The following ARHGAP24 variants were observed in gnomAD, a reference collection of about 807,000 sequenced individuals.
ARHGAP24 encodes rho GTPase-activating protein 24.
A neutral mutation model predicts 76.4 loss-of-function variants in ARHGAP24; 50 were observed. The observed-to-expected ratio is 0.65, with a 90% CI of 0.52 to 0.83. The LOEUF is 0.83. ARHGAP24 is among the 40% of genes least tolerant of loss of function. ARHGAP24 has a pLI of 0.00. For synonymous variants in ARHGAP24, 345 were observed against 323.3 expected, an observed-to-expected ratio of 1.07 and a Z score of -0.72; for missense variants, 930 against 914.2, an observed-to-expected ratio of 1.02 and a Z score of -0.22.
At position 85,543,703 on chromosome 4, in the gene ARHGAP24, C is replaced by T. The variant is rs140483040; in HGVS notation, c.-20-26819C>T. On this transcript the variant is annotated intron_variant, in intron 1 of 9. Transcript: ENST00000395184. ...TACTTGTTTATGTTATGTAAGACGA[C>T]ATCACTAGTCTTCATATTTGATTGA... Among the ~76,000 whole-genome samples, 315 of 152,230 alleles carry T rather than the reference C, an allele frequency of 2.1e-3. 2 individuals carry two copies. The highest frequency in any genetic ancestry group is 3.3e-3 in the Non-Finnish European group (225 of 68,008).
chr4:85,866,380 G>C (rs925412206), intron 3 of ARHGAP24, among the ~76,000 whole-genome samples: 3 of 152,028 alleles, frequency 2.0e-5, no homozygotes, highest in Non-Finnish European at 4.4e-5. Context: ...CCTTAAAGGG[G>C]CATTTCCTTG....
intron 2 of ARHGAP24, among the ~76,000 whole-genome samples, chr4:85,678,051 A>AG (rs1723049759): frequency 6.6e-6 from 1 of 151,836 alleles, no homozygotes; most frequent in African/African-American, 2.4e-5. Context: ...GAAAAAAAAA[A>AG]GAAAAAGGAA....
At chr4:85,651,186 A>G (rs907830925) in intron 2 of ARHGAP24, among the ~76,000 whole-genome samples, 5 of 149,264 alleles carry the variant, frequency 3.3e-5, no homozygotes, top group Non-Finnish European at 7.4e-5. Flanking sequence ...GCCTGAGATC[A>G]TGTAGGGGCT....
At chr4:85,571,436 G>T (rs1386532412) in intron 2 of ARHGAP24, among the ~76,000 whole-genome samples, 1 of 152,174 alleles carries the variant, frequency 6.6e-6, no homozygotes, top group African/African-American at 2.4e-5. Context: ...GCAAACTGAG[G>T]CATCACTTAT....
At chr4:85,668,293 C>G (rs1191038313) in intron 2 of ARHGAP24, among the ~76,000 whole-genome samples, 1 of 152,198 alleles carries the variant, frequency 6.6e-6, no homozygotes, top group African/African-American at 2.4e-5. Flanking sequence ...TAAAGCAAAA[C>G]AGAAAATGCT....
chr4:85,876,639 A>G lies in ARHGAP24; in HGVS notation c.269-47009A>G, dbSNP rs188578752. On this transcript the variant is annotated intron_variant, in intron 3 of 9. Coordinates refer to ENST00000395184, the MANE Select transcript of ARHGAP24 (RefSeq NM_001025616.3). ...ATTTTAAACATTAATAATATTAGATATCTTTCTTATCTTCTATAAAAATAA... is the reference window on the plus strand; with the variant it reads ...ATTTTAAACATTAATAATATTAGATGTCTTTCTTATCTTCTATAAAAATAA... 1.9e-3 allele frequency among the ~76,000 whole-genome samples: 287 copies of G among 152,328 alleles called. 3 individuals carry two copies. Among genetic ancestry groups the G allele is most frequent in the Non-Finnish European group, 7.5e-4 (51 of 68,040 alleles).
At chr4:85,822,146 G>A (rs2110124832) in intron 3 of ARHGAP24, among the ~76,000 whole-genome samples, 1 of 152,154 alleles carries the variant, frequency 6.6e-6, no homozygotes, top group South Asian at 2.1e-4. Flanking sequence ...AGGAAAATTT[G>A]TTTCAATTTA....
At chr4:85,836,552 G>C (rs760202870) in intron 3 of ARHGAP24, among the ~76,000 whole-genome samples, 13 of 151,942 alleles carry the variant, frequency 8.6e-5, no homozygotes, top group Non-Finnish European at 1.3e-4. Flanking sequence ...CTTTTTATGA[G>C]GACACCAGTC....
chr4:85,620,864 T>C (rs1170445311), intron 2 of ARHGAP24, among the ~76,000 whole-genome samples: 1 of 152,022 alleles, frequency 6.6e-6, no homozygotes, highest in Non-Finnish European at 1.5e-5. Context: ...TTGACTTCTA[T>C]TGAACTTACC....
intron 1 of ARHGAP24, among the ~76,000 whole-genome samples, chr4:85,564,439 G>GT (rs1553914904): frequency 2.3e-4 from 25 of 109,704 alleles, no homozygotes; most frequent in South Asian, 3.6e-4. Flanking sequence ...TATACCTAAT[G>GT]TAAATGACGA....
intron 4 of ARHGAP24, chr4:85,930,934 C>T (rs1414832802): frequency 6.2e-7 from 1 of 1,613,812 alleles, no homozygotes; most frequent in African/African-American, 1.3e-5. Context: ...CTGTACGATG[C>T]CTGAAGACCG....
At chr4:85,907,731 A>C (rs1734849295) in intron 3 of ARHGAP24, among the ~76,000 whole-genome samples, 1 of 152,210 alleles carries the variant, frequency 6.6e-6, no homozygotes, top group South Asian at 2.1e-4. Context: ...CTAATGGATA[A>C]GAATTGTGTC....
chr4:85,537,616 T>C (rs148644120), intron 1 of ARHGAP24, among the ~76,000 whole-genome samples: 116 of 152,308 alleles, frequency 7.6e-4, no homozygotes, highest in African/African-American at 2.7e-3. Context: ...TCTTCTTTTG[T>C]CTGTTGGCAT....
chr4:85,622,574 T>C (rs1195073673), intron 2 of ARHGAP24, among the ~76,000 whole-genome samples: 6 of 152,128 alleles, frequency 3.9e-5, no homozygotes, highest in Admixed American at 6.5e-5. Flanking sequence ...CATGTGTCTT[T>C]ATAGCAGCAT....
intron 1 of ARHGAP24, among the ~76,000 whole-genome samples, chr4:85,528,185 T>G (rs1725091761): frequency 6.6e-6 from 1 of 151,892 alleles, no homozygotes; most frequent in Admixed American, 6.6e-5. Context: ...CAAAGAAGAA[T>G]GGAAAAAGAC....
chr4:85,895,129 C>A lies in ARHGAP24; in HGVS notation c.269-28519C>A, dbSNP rs188131453. On this transcript the variant is annotated intron_variant, in intron 3 of 9. Coordinates refer to ENST00000395184, the MANE Select transcript of ARHGAP24 (RefSeq NM_001025616.3). The stretch of plus-strand genomic sequence containing the variant: ...GTACACTGCTTGGGTGATTACTGCA[C>A]AGAAATCTCAGTAATCACCACTGAA... Among the ~76,000 whole-genome samples, 14 of 151,596 alleles carry A rather than the reference C, an allele frequency of 9.2e-5. No homozygotes were observed. The East Asian group carries it at 2.7e-3, about 29-fold the overall frequency.
chr4:85,706,197 T>C (rs1724301782), intron 2 of ARHGAP24, among the ~76,000 whole-genome samples: 1 of 152,222 alleles, frequency 6.6e-6, no homozygotes, highest in Admixed American at 6.5e-5. Context: ...TGTGTAGATG[T>C]AAAATTGTTA....
At chr4:85,774,573 C>G (rs1185556568) in intron 3 of ARHGAP24, among the ~76,000 whole-genome samples, 1 of 152,182 alleles carries the variant, frequency 6.6e-6, no homozygotes, top group Non-Finnish European at 1.5e-5. Context: ...CTTAGGACCT[C>G]TAGCAAATGT....
chr4:85,753,203 A>G (rs923373516), intron 3 of ARHGAP24, among the ~76,000 whole-genome samples: 1 of 152,214 alleles, frequency 6.6e-6, no homozygotes, highest in Non-Finnish European at 1.5e-5. Flanking sequence ...TGAAAAATAC[A>G]GATTTAAATT....
Sources: gnomAD v4.1 joint callset for allele counts (sites outside exome capture counted in the v4.1 genomes callset) on GRCh38, gnomAD v4.1.1 for gene constraint, MANE v1.5 for transcripts, NCBI Gene and HGNC (gene_info 2026-07-23, HGNC 2026-07-21) for gene names.